Variants in SLC35D1 observed in about 807,000 individuals in gnomAD.
SLC35D1 encodes nucleotide sugar transporter SLC35D1.
A neutral mutation model predicts 46.7 loss-of-function variants in SLC35D1; 31 were observed. The ratio of observed to expected loss-of-function variants is 0.66; its 90% CI spans 0.50 to 0.90. The LOEUF (loss-of-function observed/expected upper bound fraction) is 0.90. Ranked by LOEUF, SLC35D1 falls within the 40% of genes least tolerant of loss-of-function variation. SLC35D1 has a pLI of 0.00. For synonymous variants in SLC35D1, 195 were observed against 164.6 expected, an observed-to-expected ratio of 1.18 and a Z score of -1.41; for missense variants, 397 against 426.2, an observed-to-expected ratio of 0.93 and a Z score of 0.60.
chr1:66,996,607 GA>G (rs2102210281), downstream of SLC35D1, among the ~76,000 whole-genome samples: 1 of 152,274 alleles, frequency 6.6e-6, no homozygotes, highest in East Asian at 1.9e-4. Context: ...TTGATGGATG[GA>G]TGAACCAATG....
At chr1:67,043,751 A>G (rs1014545913) in intron 7 of SLC35D1, among the ~76,000 whole-genome samples, 2 of 152,214 alleles carry the variant, frequency 1.3e-5, no homozygotes, top group Non-Finnish European at 2.9e-5. Flanking sequence ...GTTCTTAGCT[A>G]CTAGGGAGCA....
rs1667361010 is a variant in SLC35D1, at chr1:67,002,571, G to A, written c.*1769C>T. 1 of 152,288 alleles carries A rather than the reference G, an allele frequency of 6.6e-6. No homozygotes were observed. Among genetic ancestry groups the A allele is most frequent in the East Asian group, 1.9e-4 (1 of 5,338 alleles). The allele number at this position is 152,288 out of a possible 1,614,324, so 9.4% of individuals were successfully genotyped here. Reference sequence around the variant, plus strand: ...GTGGAATTTTCTCAGGTCAGAAGATGCTAGAAAAAAGTGAGTCTAAGGCTC... The same window carrying A: ...GTGGAATTTTCTCAGGTCAGAAGATACTAGAAAAAAGTGAGTCTAAGGCTC... On this transcript the variant is annotated 3_prime_UTR_variant, in exon 12 of 12. Transcript: ENST00000235345.
downstream of SLC35D1, among the ~76,000 whole-genome samples, chr1:66,995,304 G>A (rs554340547): frequency 2.2e-4 from 34 of 151,792 alleles, no homozygotes; most frequent in African/African-American, 7.7e-4. Context: ...TTCACTCTAG[G>A]CATTCACACC....
chr1:66,982,275 A>G, the SLC35D1 span, among the ~76,000 whole-genome samples: 3 of 152,228 alleles, frequency 2.0e-5, no homozygotes, highest in Non-Finnish European at 4.4e-5. Context: ...TGAGATATAC[A>G]GATCATTGCA....
chr1:67,042,657 AAC>A (rs1222138681), intron 7 of SLC35D1, among the ~76,000 whole-genome samples: 1 of 152,002 alleles, frequency 6.6e-6, no homozygotes, highest in East Asian at 1.9e-4. Context: ...CACACACACA[AAC>A]ACACACACAG....
intron 8 of SLC35D1, among the ~76,000 whole-genome samples, chr1:67,029,806 T>C (rs1303699924): frequency 6.6e-6 from 1 of 152,246 alleles, no homozygotes; most frequent in Non-Finnish European, 1.5e-5. Flanking sequence ...CACATTTATC[T>C]GAAACTGGAC....
chr1:67,039,223 C>T (rs201039017), intron 8 of SLC35D1, among the ~76,000 whole-genome samples: 1 of 152,218 alleles, frequency 6.6e-6, no homozygotes, highest in Admixed American at 6.5e-5. Flanking sequence ...TAATAAAAAA[C>T]TGACTTGCCA....
chr1:67,030,624 T>C (rs1342598839), intron 8 of SLC35D1, among the ~76,000 whole-genome samples: 1 of 152,106 alleles, frequency 6.6e-6, no homozygotes, highest in African/African-American at 2.4e-5. Flanking sequence ...AGTGGTTCAG[T>C]AATCAGAATT....
rs143923149 is a variant in SLC35D1 at position 67,025,108 on chromosome 1, G to A, written c.730-3506C>T. Among the ~76,000 whole-genome samples, 575 of 152,088 alleles carry A rather than the reference G, an allele frequency of 3.8e-3. 2 individuals carry two copies. The highest frequency in any genetic ancestry group is 6.3e-3 in the Non-Finnish European group (428 of 67,992). ...TGAATTAGTGACCCACCCTACTCCC[G>A]TATGACCTGATCCTAACTAATTACA... On this transcript the variant is annotated intron_variant, in intron 8 of 11. Coordinates refer to ENST00000235345, the MANE Select transcript of SLC35D1 (RefSeq NM_015139.3).
chr1:67,012,529 A>C (rs1299069924), intron 10 of SLC35D1, among the ~76,000 whole-genome samples: 1 of 130,526 alleles, frequency 7.7e-6, no homozygotes, highest in African/African-American at 2.9e-5. Context: ...GGATCCTTTA[A>C]ATTAGACTCC....
At chr1:67,042,993 T>C (rs1645211286) in intron 7 of SLC35D1, among the ~76,000 whole-genome samples, 2 of 151,862 alleles carry the variant, frequency 1.3e-5, no homozygotes, top group Non-Finnish European at 1.5e-5. Flanking sequence ...AGGTCAGCAG[T>C]TCAAGACCAG....
At chr1:67,045,266 C>A (rs2102355636) in intron 7 of SLC35D1, among the ~76,000 whole-genome samples, 1 of 152,344 alleles carries the variant, frequency 6.6e-6, no homozygotes, top group East Asian at 1.9e-4. Context: ...CTGACTGAAA[C>A]TAGATTTAGG....
intron 8 of SLC35D1, among the ~76,000 whole-genome samples, chr1:67,024,030 C>A (rs996272953): frequency 6.6e-6 from 1 of 151,426 alleles, no homozygotes; most frequent in Non-Finnish European, 1.5e-5. Flanking sequence ...CTGCAACCTC[C>A]GTCTCCTGGG....
chr1:67,026,395 G>A (rs1297169181), intron 8 of SLC35D1, among the ~76,000 whole-genome samples: 1 of 152,066 alleles, frequency 6.6e-6, no homozygotes, highest in Admixed American at 6.6e-5. Context: ...TATATTGCTG[G>A]ATTTTTTTGT....
Position 67,049,836 on chromosome 1 carries a change from C to A in SLC35D1, c.479G>T (p.Trp160Leu). ...EGVLLKKTFS[W>L]GIKMTVFAMI... ...TGCAAATACAGTCATTTTAATACCC[C>A]AAGAAAAAGTCTTCCTACAAAACAA... The change falls in exon 6 of 12, where the codon TGG becomes TTG. Residue 160 changes from tryptophan to leucine, a missense_variant. Trp to Leu is a moderately conservative substitution (Grantham distance 61). Transcript: ENST00000235345. The A allele has an allele frequency of 6.2e-7, 1 of 1,613,406 alleles. No homozygotes were observed. The highest frequency in any genetic ancestry group is 8.5e-7 in the Non-Finnish European group (1 of 1,179,652).
Position 67,042,335 on chromosome 1 carries a change from C to T in SLC35D1, c.637-7G>A. 1.9e-6 allele frequency: 3 copies of T among 1,613,324 alleles called. No homozygotes were observed. Among genetic ancestry groups the T allele is most frequent in the Non-Finnish European group, 2.5e-6 (3 of 1,179,286 alleles). ...GTCCATATTTTCCCAGCTCCTAGGA[C>T]AGTAAATAATTAGGTGTTTCATCTG... is the stretch of plus-strand genomic sequence containing the variant. On this transcript the variant is annotated splice_region_variant and splice_polypyrimidine_tract_variant and intron_variant, in intron 7 of 11. Transcript: ENST00000235345.
Position 67,035,732 on chromosome 1 carries a change from G to GCTA in SLC35D1, c.729+6503_729+6504insTAG, listed in dbSNP as rs1668108485. 2.7e-5 allele frequency among the ~76,000 whole-genome samples: 4 copies of GCTA among 149,116 alleles called. No homozygotes were observed. In the South Asian group the frequency reaches 8.4e-4, roughly 31 times the overall value. On this transcript the variant is annotated intron_variant, in intron 8 of 11. Coordinates refer to ENST00000235345, the MANE Select transcript of SLC35D1 (RefSeq NM_015139.3). ...TATTTCTTTTCTTCTACTAATTTTG[G>GCTA]GTTTGGAACCCAAAAGAACTTGCTT... is the stretch of plus-strand genomic sequence containing the variant.
chr1:67,024,034 T>G (rs1667867223), intron 8 of SLC35D1, among the ~76,000 whole-genome samples: 1 of 151,708 alleles, frequency 6.6e-6, no homozygotes, highest in Admixed American at 6.6e-5. Context: ...AACCTCCGTC[T>G]CCTGGGTTCA....
Position 67,049,834 on chromosome 1 carries a change from C to T in SLC35D1, c.481G>A (p.Gly161Ser). ...ATTGCAAATACAGTCATTTTAATAC[C>T]CCAAGAAAAAGTCTTCCTACAAAAC... ...GVLLKKTFSW[G>S]IKMTVFAMII... Residue 161 changes from glycine (G) to serine (S), a missense_variant, in exon 6 of 12, where the codon GGT becomes AGT. By Grantham distance (56) the Gly-to-Ser change is moderately conservative (BLOSUM62 0). Transcript: ENST00000235345. 1.2e-6 allele frequency: 2 copies of T among 1,613,448 alleles called. No homozygotes were observed. The highest frequency in any genetic ancestry group is 2.2e-5 in the South Asian group (2 of 91,002).
Sources: gnomAD v4.1 joint callset for allele counts (sites outside exome capture counted in the v4.1 genomes callset) on GRCh38, gnomAD v4.1.1 for gene constraint, MANE v1.5 for transcripts, NCBI Gene and HGNC (gene_info 2026-07-23, HGNC 2026-07-21) for gene names.